The following TMEM132C variants were observed in gnomAD, a reference collection of about 807,000 sequenced individuals.
TMEM132C encodes the protein protein phosphatase 1, regulatory subunit 152.
Under a neutral mutation model 61.4 loss-of-function variants are expected in TMEM132C, and 29 were observed. The ratio of observed to expected loss-of-function variants is 0.47; its 90% CI spans 0.35 to 0.64. The LOEUF is 0.64. Ranked by LOEUF, TMEM132C falls within the 30% of genes least tolerant of loss-of-function variation. The probability of loss-of-function intolerance (pLI) is 0.00; values close to 1 mark genes in which losing one functional copy is unlikely to be tolerated. For missense variants in TMEM132C, 1,408 were observed against 1,476.9 expected (o/e 0.95, Z 0.76); for synonymous variants, 656 against 633.1 (o/e 1.04, Z -0.54).
intron 1 of TMEM132C, among the ~76,000 whole-genome samples, chr12:128,321,849 G>A (rs1008633684): frequency 3.3e-5 from 5 of 152,166 alleles, no homozygotes; most frequent in Non-Finnish European, 2.9e-5. Context: ...AGACATTCTC[G>A]GAGATCACCT....
At chr12:128,287,720 T>C (rs1305316704) in intron 1 of TMEM132C, among the ~76,000 whole-genome samples, 2 of 152,344 alleles carry the variant, frequency 1.3e-5, no homozygotes, top group African/African-American at 4.8e-5. Context: ...AGTTATTCCA[T>C]TACTGTTATT....
intron 8 of TMEM132C, among the ~76,000 whole-genome samples, chr12:128,700,320 G>A (rs554150198): frequency 3.9e-5 from 6 of 152,160 alleles, no homozygotes; most frequent in Non-Finnish European, 7.3e-5. Context: ...GGGGAAATGC[G>A]CTGGCTTCTC....
intron 2 of TMEM132C, among the ~76,000 whole-genome samples, chr12:128,490,884 T>A (rs1472766304): frequency 6.6e-6 from 1 of 152,210 alleles, no homozygotes; most frequent in Non-Finnish European, 1.5e-5. Flanking sequence ...CTTTCTTTAG[T>A]GATTACCCTC....
Position 128,267,502 on chromosome 12 carries a change from G to A in TMEM132C, c.85+15G>A. On this transcript the variant is annotated intron_variant, in intron 1 of 8. Transcript: ENST00000435159. ...GCTGGGCAAAGGTAAGGCCGGGGCG[G>A]GTGCCTGGCGCGCCGACGCATGCGA... is the stretch of plus-strand genomic sequence containing the variant. The A allele has an allele frequency of 8.1e-7, 1 of 1,238,348 alleles. No individual in the cohort carries two copies. The highest frequency in any genetic ancestry group is 1.0e-6 in the Non-Finnish European group (1 of 990,358). 76.7% of individuals were successfully genotyped at this position (1,238,348 alleles called of 1,614,324 possible).
At chr12:128,566,186 A>C (rs1419547691) in intron 3 of TMEM132C, among the ~76,000 whole-genome samples, 2 of 147,316 alleles carry the variant, frequency 1.4e-5, no homozygotes, top group Non-Finnish European at 3.0e-5. Flanking sequence ...CACCAAGCCT[A>C]ACCAAAAAAA....
intron 3 of TMEM132C, among the ~76,000 whole-genome samples, chr12:128,551,313 C>T (rs1024536343): frequency 4.6e-5 from 7 of 151,914 alleles, no homozygotes; most frequent in African/African-American, 1.2e-4. Context: ...GCTGGAGTGC[C>T]GTCTCCCTGT....
At chr12:128,475,259 T>G (rs1364258491) in intron 2 of TMEM132C, among the ~76,000 whole-genome samples, 2 of 152,126 alleles carry the variant, frequency 1.3e-5, no homozygotes, top group Admixed American at 1.3e-4. Context: ...TTTTCTCCTA[T>G]AAAATGACTC....
chr12:128,625,840 T>G (rs1954010147), intron 4 of TMEM132C, among the ~76,000 whole-genome samples: 1 of 152,108 alleles, frequency 6.6e-6, no homozygotes, highest in Non-Finnish European at 1.5e-5. Context: ...AGGCCCCACC[T>G]CCTAACCCAT....
intron 1 of TMEM132C, among the ~76,000 whole-genome samples, chr12:128,358,837 G>A (rs924147581): frequency 6.6e-5 from 10 of 152,100 alleles, no homozygotes; most frequent in Admixed American, 3.9e-4. Flanking sequence ...AGGAAACCCT[G>A]CCCATATACT....
intron 2 of TMEM132C, among the ~76,000 whole-genome samples, chr12:128,497,839 C>A (rs1872022780): frequency 6.6e-6 from 1 of 152,102 alleles, no homozygotes; most frequent in South Asian, 2.1e-4. Context: ...CTGTCCTGCC[C>A]CCAATGTCTG....
chr12:128,340,852 T>TCTTTCTTCCTTC (rs1301394591), intron 1 of TMEM132C, among the ~76,000 whole-genome samples: 2 of 144,932 alleles, frequency 1.4e-5, no homozygotes, highest in African/African-American at 2.8e-5. Flanking sequence ...TTTCTCTCTT[T>TCTTTCTTCCTTC]CTTTCTTCCT....
intron 1 of TMEM132C, among the ~76,000 whole-genome samples, chr12:128,350,311 T>A (rs1005042384): frequency 4.0e-5 from 6 of 151,882 alleles, no homozygotes; most frequent in African/African-American, 1.2e-4. Flanking sequence ...GATGGCAAGT[T>A]AGAGATGTGA....
At position 128,299,464 on chromosome 12, in the gene TMEM132C, C is replaced by T. The variant is rs545439655; in HGVS notation, c.85+31977C>T. 3.3e-5 allele frequency among the ~76,000 whole-genome samples: 5 copies of T among 152,258 alleles called. 1 individual carries two copies. The East Asian group carries it at 9.7e-4, about 29-fold the overall frequency. On this transcript the variant is annotated intron_variant, in intron 1 of 8. Coordinates refer to ENST00000435159, the MANE Select transcript of TMEM132C (RefSeq NM_001136103.3). ...TCACCAGCTATTGATGGCATGGCTACTGAGATGCTCTTAGAAAGACAGAGC... is the reference window on the plus strand; with the variant it reads ...TCACCAGCTATTGATGGCATGGCTATTGAGATGCTCTTAGAAAGACAGAGC...
intron 8 of TMEM132C, among the ~76,000 whole-genome samples, chr12:128,699,764 C>T (rs1331065198): frequency 6.6e-6 from 1 of 152,190 alleles, no homozygotes; most frequent in East Asian, 1.9e-4. Context: ...GTTCTGGGAA[C>T]TGGCGCAGAA....
chr12:128,690,625 C>T (rs1041064802), intron 5 of TMEM132C, among the ~76,000 whole-genome samples: 8 of 152,192 alleles, frequency 5.3e-5, no homozygotes, highest in Admixed American at 5.2e-4. Flanking sequence ...ATAACTCTTG[C>T]TCGACTGTTG....
intron 2 of TMEM132C, among the ~76,000 whole-genome samples, chr12:128,541,225 G>A (rs1393058475): frequency 1.3e-5 from 2 of 152,202 alleles, no homozygotes; most frequent in East Asian, 3.9e-4. Context: ...TATAGGGGAA[G>A]GAGTATGAAG....
intron 2 of TMEM132C, among the ~76,000 whole-genome samples, chr12:128,432,254 C>T (rs1050885124): frequency 3.3e-5 from 5 of 152,216 alleles, no homozygotes; most frequent in African/African-American, 7.2e-5. Context: ...AACATCTGTT[C>T]CACAGCCCGT....
At chr12:128,378,947 A>G (rs1029777161) in intron 1 of TMEM132C, among the ~76,000 whole-genome samples, 3 of 151,928 alleles carry the variant, frequency 2.0e-5, no homozygotes, top group Non-Finnish European at 2.9e-5. Flanking sequence ...TTTTGCTTGC[A>G]TTTCTCCTGC....
Position 128,463,594 on chromosome 12 carries a change from C to G in TMEM132C, c.974+47974C>G, listed in dbSNP as rs545772795. On this transcript the variant is annotated intron_variant, in intron 2 of 8. Coordinates refer to ENST00000435159, the MANE Select transcript of TMEM132C (RefSeq NM_001136103.3). Reference sequence around the variant, plus strand: ...TCGGCCTCCCAAAGTGCTGAGATTACAGGTGTGACCCACCTCGCCCAGCCC... The same window carrying G: ...TCGGCCTCCCAAAGTGCTGAGATTAGAGGTGTGACCCACCTCGCCCAGCCC... Among the ~76,000 whole-genome samples, 42 of 152,254 alleles carry G rather than the reference C, an allele frequency of 2.8e-4. No homozygotes were observed. The South Asian group carries it at 8.5e-3, about 31-fold the overall frequency.
Sources: allele counts gnomAD v4.1 joint callset (sites outside exome capture counted in the v4.1 genomes callset), GRCh38; gene constraint gnomAD v4.1.1; transcripts MANE v1.5; gene names NCBI Gene and HGNC (gene_info 2026-07-23, HGNC 2026-07-21).